Variants in REEP1 observed in about 807,000 individuals in gnomAD.
REEP1 encodes the protein receptor accessory protein 1, also known as receptor expression-enhancing protein 1.
In REEP1, 22 loss-of-function variants were observed where a neutral mutation model predicts 40.3. The ratio of observed to expected loss-of-function variants is 0.55; its 90% CI spans 0.39 to 0.78. The LOEUF (loss-of-function observed/expected upper bound fraction) is 0.78, where lower values mean the gene tolerates loss of function less well. REEP1 is among the 30% of genes least tolerant of loss of function. The pLI is 0.00. For missense variants in REEP1, 280 were observed against 361.1 expected (o/e 0.78, Z 1.82); for synonymous variants, 116 against 139.2 (o/e 0.83, Z 1.17).
intron 2 of REEP1, among the ~76,000 whole-genome samples, chr2:86,266,048 T>G (rs886266814): frequency 6.6e-6 from 1 of 152,110 alleles, no homozygotes; most frequent in Non-Finnish European, 1.5e-5. Flanking sequence ...GAAAATATAA[T>G]CCATGGTTAG....
rs1203556784 is a variant in REEP1 at position 86,279,955 on chromosome 2, G to A, written c.105+2215C>T. ...TAAAAAACTAATATAGGAGGCTACT[G>A]TAACCTTCTAGGGAAAATAGTGAGA... On this transcript the variant is annotated intron_variant, in intron 2 of 8. Coordinates refer to ENST00000538924, the MANE Select transcript of REEP1 (RefSeq NM_001371279.1). 1.3e-5 allele frequency: 6 copies of A among 456,306 alleles called. No homozygotes were observed. The Middle Eastern group carries it at 9.8e-4, about 74-fold the overall frequency. The allele number at this position is 456,306 out of a possible 1,614,324, so 28.3% of individuals were successfully genotyped here.
intron 5 of REEP1, among the ~76,000 whole-genome samples, chr2:86,250,444 T>C (rs1284389093): frequency 6.6e-6 from 1 of 152,184 alleles, no homozygotes; most frequent in African/African-American, 2.4e-5. Context: ...TGTTTCAGCT[T>C]AAAGATTAAA....
In REEP1 at chr2:86,237,850, CA is replaced by C. The variant is rs952080960; in HGVS notation, c.418-5049del. On this transcript the variant is annotated intron_variant, in intron 5 of 8. Coordinates refer to ENST00000538924, the MANE Select transcript of REEP1 (RefSeq NM_001371279.1). Reference sequence around the variant, plus strand: ...CCTTTTAATGTATTTATAAAAGTGACAAAAAAAAGATGTCTAAGAGTCTTTT... The same window carrying C: ...CCTTTTAATGTATTTATAAAAGTGACAAAAAAAGATGTCTAAGAGTCTTTT... Among the ~76,000 whole-genome samples, 7 of 151,116 alleles carry C rather than the reference CA, an allele frequency of 4.6e-5. 1 individual carries two copies. The South Asian group carries it at 8.4e-4, about 18-fold the overall frequency.
chr2:86,248,080 T>C lies in REEP1; in HGVS notation c.417+3877A>G, dbSNP rs781571823. 7.6e-4 allele frequency among the ~76,000 whole-genome samples: 116 copies of C among 152,162 alleles called. 1 individual carries two copies. The highest frequency in any genetic ancestry group is 1.1e-3 in the Non-Finnish European group (78 of 68,024). ...TTCCTCCTAGAAAGTCACTGAAGTATGGAAAAAAGAAGACAGAAGGAGGAA... is the reference window on the plus strand; with the variant it reads ...TTCCTCCTAGAAAGTCACTGAAGTACGGAAAAAAGAAGACAGAAGGAGGAA... On this transcript the variant is annotated intron_variant, in intron 5 of 8. Coordinates refer to ENST00000538924, the MANE Select transcript of REEP1 (RefSeq NM_001371279.1).
intron 2 of REEP1, among the ~76,000 whole-genome samples, chr2:86,272,511 T>C (rs1248367689): frequency 6.6e-6 from 1 of 152,186 alleles, no homozygotes; most frequent in Admixed American, 6.5e-5. Flanking sequence ...GGTTTCCCAA[T>C]TGCTTTTCTT....
intron 1 of REEP1, among the ~76,000 whole-genome samples, chr2:86,330,835 C>T (rs986096577): frequency 3.9e-5 from 6 of 152,198 alleles, no homozygotes; most frequent in African/African-American, 1.2e-4. Context: ...CCCCTGCCAA[C>T]CCACAGTAAC....
chr2:86,327,151 T>C (rs1490995756), intron 1 of REEP1, among the ~76,000 whole-genome samples: 1 of 152,232 alleles, frequency 6.6e-6, no homozygotes, highest in Non-Finnish European at 1.5e-5. Flanking sequence ...AGTCATTGGA[T>C]TTTTAATGTC....
At chr2:86,282,472 G>A (rs557619704) in intron 1 of REEP1, among the ~76,000 whole-genome samples, 1 of 152,114 alleles carries the variant, frequency 6.6e-6, no homozygotes, top group East Asian at 1.9e-4. Flanking sequence ...CTGTGGTCTG[G>A]CAACATGGAA....
chr2:86,277,834 T>C (rs1050033562), intron 2 of REEP1, among the ~76,000 whole-genome samples: 3 of 152,220 alleles, frequency 2.0e-5, no homozygotes, highest in African/African-American at 7.2e-5. Context: ...GTGTCCTGCT[T>C]TTCAATGTCT....
At chr2:86,324,003 A>G (rs1444017312) in intron 1 of REEP1, among the ~76,000 whole-genome samples, 2 of 152,202 alleles carry the variant, frequency 1.3e-5, no homozygotes, top group Non-Finnish European at 2.9e-5. Context: ...GCTGCTTCAC[A>G]TCATATATAA....
At chr2:86,330,414 GGT>G (rs55660803) in intron 1 of REEP1, among the ~76,000 whole-genome samples, 30,982 of 127,494 alleles carry the variant, frequency 0.24, 3,546 homozygotes, top group South Asian at 0.3. Context: ...AGTGAATCCT[GGT>G]GTGTGTGTGT....
At chr2:86,234,789 TG>T (rs1369789326) in intron 5 of REEP1, among the ~76,000 whole-genome samples, 1 of 152,236 alleles carries the variant, frequency 6.6e-6, no homozygotes, top group Non-Finnish European at 1.5e-5. Context: ...CTCACGTCCT[TG>T]GCAGGAACAG....
chr2:86,220,693 T>C (rs1674367122), intron 7 of REEP1, among the ~76,000 whole-genome samples: 1 of 130,138 alleles, frequency 7.7e-6, no homozygotes, highest in African/African-American at 2.5e-5. Flanking sequence ...CAAAGCTATA[T>C]AGTTTTTTTG....
chr2:86,241,725 G>A (rs1474094386), intron 5 of REEP1, among the ~76,000 whole-genome samples: 2 of 152,210 alleles, frequency 1.3e-5, no homozygotes, highest in Admixed American at 1.3e-4. Flanking sequence ...TCAAACCCCT[G>A]CTTGGTTTCC....
chr2:86,327,673 T>G (rs553535852), intron 1 of REEP1, among the ~76,000 whole-genome samples: 1 of 151,716 alleles, frequency 6.6e-6, no homozygotes, highest in Admixed American at 6.6e-5. Context: ...GTTCACGCCA[T>G]TCTCCTGCCT....
chr2:86,257,284 T>G (rs1393832063), intron 3 of REEP1, among the ~76,000 whole-genome samples: 1 of 152,132 alleles, frequency 6.6e-6, no homozygotes, highest in East Asian at 1.9e-4. Flanking sequence ...GCAGCTCTTT[T>G]ATTTATTACA....
chr2:86,257,755 G>A (rs1484614390), intron 3 of REEP1, among the ~76,000 whole-genome samples: 3 of 151,474 alleles, frequency 2.0e-5, no homozygotes, highest in Admixed American at 6.6e-5. Flanking sequence ...CTCCTGCCTT[G>A]GCCTCCCAAG....
chr2:86,254,946 G>C lies in REEP1; in HGVS notation c.183-132C>G, dbSNP rs894916253. The C allele has an allele frequency of 1.3e-4, 125 of 926,330 alleles. 1 individual carries two copies. Among genetic ancestry groups the C allele is most frequent in the South Asian group, 1.3e-3 (86 of 67,110 alleles). 57.4% of individuals were successfully genotyped at this position (926,330 alleles called of 1,614,324 possible). On this transcript the variant is annotated intron_variant, in intron 3 of 8. Coordinates refer to ENST00000538924, the MANE Select transcript of REEP1 (RefSeq NM_001371279.1). ...GGCTGCAAGTTTCCCAGATTCCTCT[G>C]TCCTCCACCTATGAAGGTGAGGGCA...
At position 86,337,414 on chromosome 2, in the gene REEP1, G is replaced by T; in HGVS notation, c.32+65C>A. On this transcript the variant is annotated intron_variant, in intron 1 of 8. Coordinates refer to ENST00000538924, the MANE Select transcript of REEP1 (RefSeq NM_001371279.1). This position sits in a 1 kb window ranked among gnomAD's most constrained non-coding sequence, Gnocchi z 5.8. ...CTGGGACCGGGCGCTGTAGGGGCGCGCGCAGCCCGGGGCCGGGGGCGGGGA... is the reference window on the plus strand; with the variant it reads ...CTGGGACCGGGCGCTGTAGGGGCGCTCGCAGCCCGGGGCCGGGGGCGGGGA... 1 of 1,121,088 alleles carries T rather than the reference G, an allele frequency of 8.9e-7. No homozygotes were observed. Among genetic ancestry groups the T allele is most frequent in the Non-Finnish European group, 1.1e-6 (1 of 892,802 alleles). 69.4% of individuals were successfully genotyped at this position (1,121,088 alleles called of 1,614,324 possible).
Sources: allele counts gnomAD v4.1 joint callset (sites outside exome capture counted in the v4.1 genomes callset), GRCh38; gene constraint gnomAD v4.1.1; non-coding constraint Gnocchi (gnomAD v3.1); transcripts MANE v1.5; gene names NCBI Gene and HGNC (gene_info 2026-07-23, HGNC 2026-07-21).